Variants in DEAF1 observed in about 807,000 individuals in gnomAD.
DEAF1 encodes the protein DEAF1 transcription factor.
A neutral mutation model predicts 58.9 loss-of-function variants in DEAF1; 53 were observed. The ratio of observed to expected loss-of-function variants is 0.90; its 90% confidence interval spans 0.72 to 1.13. The LOEUF (loss-of-function observed/expected upper bound fraction) is 1.13. Among genes scored for constraint, DEAF1 ranks in the 50% most tolerant of loss-of-function variants. The pLI, the probability that DEAF1 is intolerant of heterozygous loss-of-function variation, is 0.00. For missense variants in DEAF1, 685 were observed against 791.4 expected (o/e 0.87, Z 1.61); for synonymous variants, 385 against 340.4 (o/e 1.13, Z -1.44).
intron 1 of DEAF1, 107 bp from the exon 2 acceptor site, chr11:691,705 C>T (rs1860842558): frequency 1.1e-6 from 1 of 881,998 alleles, no homozygotes; most frequent in Non-Finnish European, 1.8e-6. Context: ...CAGGTGTGTG[C>T]CCTTGTAACC....
chr11:687,100 C>A, intron 4 of DEAF1, 103 bp from the exon 5 acceptor site: 1 of 1,545,712 alleles, frequency 6.5e-7, no homozygotes, highest in Non-Finnish European at 8.8e-7. Flanking sequence ...GCACCAGCGC[C>A]CCAGCGGCTC....
chr11:662,399 G>A (rs1035576909), intron 10 of DEAF1, among the ~76,000 whole-genome samples: 4 of 152,226 alleles, frequency 2.6e-5, no homozygotes, highest in Non-Finnish European at 5.9e-5. Context: ...CTCCCATTCT[G>A]CAGTGGCGTG....
chr11:663,886 A>T (rs1383016756), intron 10 of DEAF1, among the ~76,000 whole-genome samples: 1 of 152,218 alleles, frequency 6.6e-6, no homozygotes, highest in Non-Finnish European at 1.5e-5. Context: ...GGCTTCCTGA[A>T]GCTATATGTT....
At position 701,652 on chromosome 11, in the gene DEAF1, G is replaced by T. The variant is rs541207954; in HGVS notation, c.-438+4920C>A. The stretch of plus-strand genomic sequence containing the variant: ...TTTCCATCTCCTGACCTCCTGATCC[G>T]CCCACCTCGGCCTCCCAAAGTGCTG... On this transcript the variant is annotated intron_variant, in intron 1 of 11. Transcript: ENST00000683307. Among the ~76,000 whole-genome samples the T allele has an allele frequency of 7.9e-5, 12 of 151,750 alleles. No individual in the cohort carries two copies. The South Asian group carries it at 1.9e-3, about 24-fold the overall frequency.
At chr11:704,260 C>T (rs914137086) in intron 1 of DEAF1, 30 of 740,314 alleles carry the variant, frequency 4.1e-5, no homozygotes, top group Admixed American at 1.5e-4. Flanking sequence ...GGGCGCCTTC[C>T]GCTCGGTGGA....
chr11:695,693 G>C (rs959127352), upstream of DEAF1: 6 of 1,243,076 alleles, frequency 4.8e-6, no homozygotes, highest in African/African-American at 7.8e-5. Context: ...CTCGGCCGTG[G>C]CTCGGACGTC....
intron 9 of DEAF1, among the ~76,000 whole-genome samples, chr11:676,796 G>A (rs915931270): frequency 1.2e-4 from 19 of 152,096 alleles, no homozygotes; most frequent in Non-Finnish European, 2.1e-4. Context: ...GAGCCACCAC[G>A]CCCAGCGGGG....
chr11:704,612 C>T (rs1386788284), intron 1 of DEAF1: 2 of 1,289,264 alleles, frequency 1.6e-6, no homozygotes, highest in African/African-American at 3.0e-5. Context: ...AGGACCCCCT[C>T]CCTGAAGCTG....
chr11:679,617 G>A, intron 8 of DEAF1, 71 bp downstream of exon 8: 3 of 1,598,826 alleles, frequency 1.9e-6, no homozygotes, highest in South Asian at 1.1e-5. Flanking sequence ...AGCCCAATGT[G>A]GCGTCGGGGA....
upstream of DEAF1, chr11:699,894 G>T: frequency 2.0e-6 from 1 of 511,060 alleles, no homozygotes; most frequent in Non-Finnish European, 3.5e-6. Context: ...GGCAGGGGCT[G>T]CAGTGCACAG....
chr11:654,672 C>G (rs1221080228), intron 10 of DEAF1: 1 of 453,532 alleles, frequency 2.2e-6, no homozygotes, highest in African/African-American at 2.0e-5. Context: ...GTCAGGAGTT[C>G]AGCACAGGCA....
Position 688,548 on chromosome 11 carries a change from C to G in DEAF1, c.388-88G>C. ...CCAGCTGGGCCGTCCTCCAGCAGGG[C>G]TCTCTGGCTGTTCTCACCAAGAAGG... On this transcript the variant is annotated intron_variant, in intron 2 of 11. Transcript: ENST00000382409. The surrounding 1 kb of genome is among the most constrained non-coding windows in gnomAD (Gnocchi z 4.3). 6.4e-7 allele frequency: 1 copy of G among 1,555,518 alleles called. No individual in the cohort carries two copies. Among genetic ancestry groups the G allele is most frequent in the South Asian group, 1.1e-5 (1 of 89,888 alleles).
At chr11:693,113 G>A (rs554792131) in intron 1 of DEAF1, among the ~76,000 whole-genome samples, 1 of 152,180 alleles carries the variant, frequency 6.6e-6, no homozygotes, top group Non-Finnish European at 1.5e-5. Context: ...GTATTAAAGT[G>A]CTTTTACCAC....
chr11:647,466 C>G (rs528691424), intron 11 of DEAF1, among the ~76,000 whole-genome samples: 1 of 152,012 alleles, frequency 6.6e-6, no homozygotes, highest in East Asian at 1.9e-4. Context: ...AAAACAGAAA[C>G]AAAACCAAAA....
chr11:706,861 G>A (rs565822850), exon 1 of DEAF1: 76 of 153,146 alleles, frequency 5.0e-4, no homozygotes, highest in Non-Finnish European at 5.8e-4. Flanking sequence ...GGCTGGGACA[G>A]GGGCTGCAGA....
intron 1 of DEAF1, among the ~76,000 whole-genome samples, chr11:702,551 G>T (rs891605754): frequency 6.6e-6 from 1 of 152,244 alleles, no homozygotes; most frequent in Non-Finnish European, 1.5e-5. Context: ...TCCAGAACTG[G>T]CCTTGGACCA....
At chr11:697,029 T>G (rs1015499876), upstream of DEAF1, among the ~76,000 whole-genome samples, 639 of 131,288 alleles carry the variant, frequency 4.9e-3, 1 homozygote, top group Admixed American at 0.017. Flanking sequence ...GGGGGTGGGG[T>G]GCGGAGGTTG....
chr11:681,479 G>A (rs1347805973), intron 6 of DEAF1, among the ~76,000 whole-genome samples: 2 of 150,766 alleles, frequency 1.3e-5, no homozygotes, highest in Admixed American at 6.6e-5. Context: ...GGCACAATCT[G>A]GGCTCACTGC....
chr11:683,505 A>T (rs993092366), intron 6 of DEAF1, among the ~76,000 whole-genome samples: 2 of 152,184 alleles, frequency 1.3e-5, no homozygotes, highest in Admixed American at 1.3e-4. Flanking sequence ...TACTGTCACG[A>T]GCCCGTAAGT....
Sources: gnomAD v4.1 joint callset for allele counts (sites outside exome capture counted in the v4.1 genomes callset) on GRCh38, gnomAD v4.1.1 for gene constraint, Gnocchi (gnomAD v3.1) non-coding constraint, MANE v1.5 for transcripts, NCBI Gene and HGNC (gene_info 2026-07-23, HGNC 2026-07-21) for gene names.